Variants in SNX18 observed in about 807,000 individuals in gnomAD.
SNX18 encodes the protein sorting nexin-18.
A neutral mutation model predicts 48.7 loss-of-function variants in SNX18; 35 were observed. That is an observed-to-expected ratio of 0.72 (90% CI 0.55 to 0.95). SNX18 has a LOEUF of 0.95. Ranked by LOEUF, SNX18 falls within the 40% of genes least tolerant of loss-of-function variation. SNX18 has a pLI of 0.00. For missense variants in SNX18, 824 were observed against 871.0 expected, an observed-to-expected ratio of 0.95 and a Z score of 0.68; for synonymous variants, 492 against 384.7, an observed-to-expected ratio of 1.28 and a Z score of -3.26.
chr5:54,612,283 G>T, the SNX18 span, among the ~76,000 whole-genome samples: 1 of 150,206 alleles, frequency 6.7e-6, no homozygotes, highest in South Asian at 2.1e-4. Flanking sequence ...TTTTGAGATG[G>T]AGTCTCACTT....
At chr5:54,632,920 A>G in the SNX18 span, among the ~76,000 whole-genome samples, 11 of 152,074 alleles carry the variant, frequency 7.2e-5, no homozygotes, top group Non-Finnish European at 1.6e-4. Context: ...GATTACAGGC[A>G]ACCGCCACCA....
the SNX18 span, among the ~76,000 whole-genome samples, chr5:54,596,276 G>A: frequency 0.039 from 5,948 of 152,132 alleles, 333 homozygotes; most frequent in African/African-American, 0.12. Context: ...ACACAAATGA[G>A]CTTATGGTGG....
the SNX18 span, among the ~76,000 whole-genome samples, chr5:54,580,889 T>A: frequency 9.2e-5 from 14 of 152,222 alleles, no homozygotes; most frequent in Non-Finnish European, 7.3e-5. Flanking sequence ...TTTTGACCTT[T>A]GCTTCGGGGA....
the SNX18 span, among the ~76,000 whole-genome samples, chr5:54,562,848 C>T: frequency 6.6e-6 from 1 of 152,288 alleles, no homozygotes; most frequent in South Asian, 2.1e-4. Context: ...ATGACAGCTC[C>T]ATGCGTGTCG....
rs1467882851 is a variant in SNX18, at chr5:54,544,003, C to G, written c.*571C>G. 3 of 115,202 alleles carry G rather than the reference C, an allele frequency of 2.6e-5. No individual in the cohort carries two copies. The highest frequency in any genetic ancestry group is 1.3e-4 in the Admixed American group (1 of 7,642). 7.1% of individuals were successfully genotyped at this position (115,202 alleles called of 1,614,324 possible). ...AAAGGCCAGTGCATATAATGACAAA[C>G]TGATGATAACCTTATATTGGCAGTA... On this transcript the variant is annotated 3_prime_UTR_variant, in exon 2 of 2. Transcript: ENST00000381410.
chr5:54,586,987 C>CT, the SNX18 span, among the ~76,000 whole-genome samples: 100 of 143,988 alleles, frequency 6.9e-4, no homozygotes, highest in Middle Eastern at 3.6e-3. Context: ...AATTTATTTC[C>CT]TTTTTTTTTT....
At chr5:54,588,734 G>C in the SNX18 span, among the ~76,000 whole-genome samples, 3 of 152,138 alleles carry the variant, frequency 2.0e-5, no homozygotes, top group Non-Finnish European at 2.9e-5. Context: ...TAACAGTACT[G>C]TCATTTACTT....
the SNX18 span, among the ~76,000 whole-genome samples, chr5:54,554,432 G>A: frequency 6.6e-6 from 1 of 152,152 alleles, no homozygotes; most frequent in East Asian, 1.9e-4. Flanking sequence ...CATAAACAGG[G>A]CCTAGCTCCG....
chr5:54,591,983 C>T, the SNX18 span, among the ~76,000 whole-genome samples: 1 of 152,210 alleles, frequency 6.6e-6, no homozygotes, highest in Admixed American at 6.5e-5. Context: ...CTGTACTTTG[C>T]TTACTCTGTC....
chr5:54,537,754 A>G (rs1182507426), intron 1 of SNX18, among the ~76,000 whole-genome samples: 1 of 152,162 alleles, frequency 6.6e-6, no homozygotes, highest in Non-Finnish European at 1.5e-5. Flanking sequence ...CTGTTTTCAT[A>G]TTGATTCCAT....
intron 1 of SNX18, among the ~76,000 whole-genome samples, chr5:54,542,626 C>T (rs1762492955): frequency 6.6e-6 from 1 of 152,196 alleles, no homozygotes; most frequent in South Asian, 2.1e-4. Flanking sequence ...GGCAACATTG[C>T]CAAGCACCCT....
At chr5:54,610,578 A>C in the SNX18 span, among the ~76,000 whole-genome samples, 1 of 152,234 alleles carries the variant, frequency 6.6e-6, no homozygotes, top group African/African-American at 2.4e-5. Flanking sequence ...GCAAATAATC[A>C]GGCAAATAAC....
chr5:54,574,804 G>A, the SNX18 span, among the ~76,000 whole-genome samples: 1 of 152,090 alleles, frequency 6.6e-6, no homozygotes. Flanking sequence ...GAACCACCAG[G>A]GCTGTCTAGA....
the SNX18 span, among the ~76,000 whole-genome samples, chr5:54,601,594 T>C: frequency 6.6e-6 from 1 of 152,254 alleles, no homozygotes; most frequent in Non-Finnish European, 1.5e-5. Context: ...CTCCTGTTCA[T>C]ATTAGACAGC....
intron 1 of SNX18, chr5:54,519,897 A>AT (rs1201418865): frequency 7.2e-7 from 1 of 1,392,310 alleles, no homozygotes; most frequent in Non-Finnish European, 9.8e-7. Flanking sequence ...CGAGGGTAGA[A>AT]TTAGAAGGGG....
the SNX18 span, among the ~76,000 whole-genome samples, chr5:54,600,840 G>A: frequency 6.6e-6 from 1 of 152,090 alleles, no homozygotes; most frequent in Non-Finnish European, 1.5e-5. Flanking sequence ...GGGTGGGGTG[G>A]AGGGAGAGAG....
At chr5:54,642,978 C>T in the SNX18 span, among the ~76,000 whole-genome samples, 3 of 152,110 alleles carry the variant, frequency 2.0e-5, no homozygotes, top group East Asian at 1.9e-4. Flanking sequence ...TAACCTTTGC[C>T]GGGCATGGCC....
the SNX18 span, among the ~76,000 whole-genome samples, chr5:54,570,038 G>A: frequency 3.3e-5 from 5 of 152,296 alleles, no homozygotes; most frequent in Admixed American, 2.0e-4. Context: ...ACGTGTAAAC[G>A]TGACTTTACT....
rs765553727 is a variant in SNX18, at chr5:54,519,722, A to G, written c.1621+149A>G. 17 of 1,614,036 alleles carry G rather than the reference A, an allele frequency of 1.1e-5. No homozygotes were observed. The African/African-American group carries it at 1.7e-4, about 16-fold the overall frequency. ...ACGTGGACGCCTGGGTCTTTTCCCT[A>G]GAGTGTAAGTTGGATTGCTCGACAG... is the stretch of plus-strand genomic sequence containing the variant. On this transcript the variant is annotated intron_variant, in intron 1 of 1. Coordinates refer to ENST00000381410, the MANE Select transcript of SNX18 (RefSeq NM_001102575.2).
Sources: gnomAD v4.1 joint callset for allele counts (sites outside exome capture counted in the v4.1 genomes callset) on GRCh38, gnomAD v4.1.1 for gene constraint, MANE v1.5 for transcripts, NCBI Gene and HGNC (gene_info 2026-07-23, HGNC 2026-07-21) for gene names.